The following CNTNAP5 variants were observed in gnomAD, a reference collection of about 807,000 sequenced individuals.
The protein encoded by CNTNAP5 is contactin-associated protein-like 5.
CNTNAP5 carries 72 observed loss-of-function variants against 150.2 expected under a neutral mutation model. The observed-to-expected ratio is 0.48, with a 90% CI of 0.40 to 0.58. CNTNAP5 has a LOEUF of 0.58. Ranked by LOEUF, CNTNAP5 falls within the 20% of genes least tolerant of loss-of-function variation. The pLI is 0.00. For synonymous variants in CNTNAP5, 672 were observed against 619.8 expected, an observed-to-expected ratio of 1.08 and a Z score of -1.25; for missense variants, 1,636 against 1,626.2, an observed-to-expected ratio of 1.01 and a Z score of -0.10.
chr2:124,350,320 T>C (rs769583726), intron 3 of CNTNAP5, among the ~76,000 whole-genome samples: 14 of 152,182 alleles, frequency 9.2e-5, no homozygotes, highest in Admixed American at 1.3e-4. Context: ...CTTAGTGTTA[T>C]TAGGAAAATT....
chr2:124,135,843 G>T (rs1423716453), intron 1 of CNTNAP5, among the ~76,000 whole-genome samples: 1 of 152,288 alleles, frequency 6.6e-6, no homozygotes, highest in East Asian at 1.9e-4. Flanking sequence ...TCATGGTGCT[G>T]CCATATAAAC....
chr2:124,864,765 G>A (rs1677594932), intron 19 of CNTNAP5, among the ~76,000 whole-genome samples: 1 of 152,172 alleles, frequency 6.6e-6, no homozygotes, highest in South Asian at 2.1e-4. Context: ...AAATTTGAAT[G>A]TTCCAGTGGG....
At chr2:124,318,380 G>C (rs550728790) in intron 3 of CNTNAP5, among the ~76,000 whole-genome samples, 44 of 152,180 alleles carry the variant, frequency 2.9e-4, no homozygotes, top group Middle Eastern at 3.4e-3. Context: ...ATTTTTATAA[G>C]GCCTAGTGTT....
At chr2:124,499,933 C>T (rs1558928825) in intron 7 of CNTNAP5, among the ~76,000 whole-genome samples, 1 of 152,086 alleles carries the variant, frequency 6.6e-6, no homozygotes, top group Non-Finnish European at 1.5e-5. Context: ...GTCTCATGAT[C>T]TGCAGACCCA....
At chr2:124,872,840 T>C (rs1677780406) in intron 21 of CNTNAP5, among the ~76,000 whole-genome samples, 1 of 152,016 alleles carries the variant, frequency 6.6e-6, no homozygotes, top group South Asian at 2.1e-4. Flanking sequence ...CCACTGTGTA[T>C]AGCATTCATA....
intron 10 of CNTNAP5, among the ~76,000 whole-genome samples, chr2:124,531,540 C>A (rs926453512): frequency 1.3e-5 from 2 of 152,190 alleles, no homozygotes; most frequent in Admixed American, 6.5e-5. Flanking sequence ...TGACTTACAT[C>A]TATCCCTGAG....
intron 1 of CNTNAP5, among the ~76,000 whole-genome samples, chr2:124,214,265 A>T (rs1163475470): frequency 6.6e-6 from 1 of 152,142 alleles, no homozygotes; most frequent in Non-Finnish European, 1.5e-5. Flanking sequence ...GCAGGAAATT[A>T]GTAACTCCAA....
intron 19 of CNTNAP5, among the ~76,000 whole-genome samples, chr2:124,854,148 C>A (rs1355307194): frequency 6.6e-6 from 1 of 152,122 alleles, no homozygotes; most frequent in Non-Finnish European, 1.5e-5. Context: ...CCCTTATAAC[C>A]ACTTATTGAT....
At chr2:124,867,896 T>C (rs1677665108) in intron 20 of CNTNAP5, among the ~76,000 whole-genome samples, 1 of 152,218 alleles carries the variant, frequency 6.6e-6, no homozygotes, top group Non-Finnish European at 1.5e-5. Flanking sequence ...ATAGTTAAAA[T>C]TGACTTATTA....
At chr2:124,488,926 T>C (rs1693954720) in intron 7 of CNTNAP5, among the ~76,000 whole-genome samples, 1 of 152,134 alleles carries the variant, frequency 6.6e-6, no homozygotes. Flanking sequence ...CGTGTCTCCC[T>C]CCACTAAATG....
In CNTNAP5 at chr2:124,710,701, A is replaced by G. The variant is rs1679788773; in HGVS notation, c.2078-36528A>G. 2.0e-5 allele frequency among the ~76,000 whole-genome samples: 3 copies of G among 152,142 alleles called. No individual in the cohort carries two copies. The South Asian group carries it at 6.2e-4, about 32-fold the overall frequency. ...AGGCTGACTCCTTAATTCACTGCAG[A>G]CTGACTCCTCCCTTCAAAACTTTTC... is the stretch of plus-strand genomic sequence containing the variant. On this transcript the variant is annotated intron_variant, in intron 13 of 23. Coordinates refer to ENST00000682447, the MANE Select transcript of CNTNAP5 (RefSeq NM_001367498.1).
chr2:124,301,970 C>T (rs1688575957), intron 3 of CNTNAP5, among the ~76,000 whole-genome samples: 1 of 152,076 alleles, frequency 6.6e-6, no homozygotes, highest in Non-Finnish European at 1.5e-5. Context: ...TAAATGAGGT[C>T]ATAAAGTGAA....
intron 21 of CNTNAP5, among the ~76,000 whole-genome samples, chr2:124,895,153 G>A (rs891340133): frequency 3.3e-5 from 5 of 151,474 alleles, no homozygotes; most frequent in African/African-American, 1.2e-4. Flanking sequence ...TTTACTTCTT[G>A]TATCATTAAT....
intron 21 of CNTNAP5, among the ~76,000 whole-genome samples, chr2:124,900,513 C>T (rs542955144): frequency 1.8e-4 from 28 of 151,560 alleles, no homozygotes; most frequent in African/African-American, 6.8e-4. Flanking sequence ...GGAAGAAGCA[C>T]ACTTCCCTAG....
chr2:124,742,288 G>T (rs745653576), intron 13 of CNTNAP5, among the ~76,000 whole-genome samples: 4 of 152,108 alleles, frequency 2.6e-5, no homozygotes, highest in Non-Finnish European at 4.4e-5. Context: ...AATTGGGGAA[G>T]AATTTAGGTC....
Position 124,647,746 on chromosome 2 carries a change from T to C in CNTNAP5, c.1877-12T>C, listed in dbSNP as rs1324931540. The stretch of plus-strand genomic sequence containing the variant: ...CTAACGTCTCTTGCTTTGTGTTGTG[T>C]TGTCTGGGCAGAGGACAAGATCTGG... On this transcript the variant is annotated splice_polypyrimidine_tract_variant and intron_variant, in intron 12 of 23. Transcript: ENST00000682447. The C allele has an allele frequency of 6.3e-7, 1 of 1,575,176 alleles. No homozygotes were observed. The highest frequency in any genetic ancestry group is 1.1e-5 in the South Asian group (1 of 87,290).
intron 17 of CNTNAP5, among the ~76,000 whole-genome samples, chr2:124,780,288 C>T (rs1681422515): frequency 6.6e-6 from 1 of 152,160 alleles, no homozygotes; most frequent in South Asian, 2.1e-4. Flanking sequence ...TGTGCCTTCA[C>T]CCCATTGGAA....
chr2:124,857,052 T>C (rs1259306814), intron 19 of CNTNAP5, among the ~76,000 whole-genome samples: 1 of 152,118 alleles, frequency 6.6e-6, no homozygotes, highest in African/African-American at 2.4e-5. Flanking sequence ...GAGCTCTCTC[T>C]GAAGGGGCAA....
chr2:124,356,736 T>A lies in CNTNAP5; in HGVS notation c.382-60707T>A, dbSNP rs1396266636. 2.6e-5 allele frequency among the ~76,000 whole-genome samples: 4 copies of A among 152,014 alleles called. 1 individual carries two copies. The highest frequency in any genetic ancestry group is 5.9e-5 in the Non-Finnish European group (4 of 68,002). On this transcript the variant is annotated intron_variant, in intron 3 of 23. Coordinates refer to ENST00000682447, the MANE Select transcript of CNTNAP5 (RefSeq NM_001367498.1). ...AGACATTTGGGTTGGTTCCAAGTCT[T>A]TGCTATTGTGAATAATGCCACAATA... is the stretch of plus-strand genomic sequence containing the variant.
Sources: gnomAD v4.1 joint callset for allele counts (sites outside exome capture counted in the v4.1 genomes callset) on GRCh38, gnomAD v4.1.1 for gene constraint, MANE v1.5 for transcripts, NCBI Gene and HGNC (gene_info 2026-07-23, HGNC 2026-07-21) for gene names.